FRMD5: variants seen among roughly 807,000 people sequenced by gnomAD.
FRMD5 encodes FERM domain-containing protein 5.
Under a neutral mutation model 69.0 loss-of-function variants are expected in FRMD5, and 20 were observed. That is an observed-to-expected ratio of 0.29 (90% CI 0.20 to 0.42). FRMD5 has a LOEUF of 0.42. Among genes scored for constraint, FRMD5 ranks in the 10% least tolerant of loss-of-function variants. FRMD5 has a pLI of 1.00. For synonymous variants in FRMD5, 271 were observed against 260.1 expected (o/e 1.04, Z -0.40); for missense variants, 595 against 708.6 (o/e 0.84, Z 1.82).
intron 11 of FRMD5, among the ~76,000 whole-genome samples, chr15:43,885,419 A>T (rs962207697): frequency 2.0e-5 from 3 of 152,120 alleles, no homozygotes; most frequent in African/African-American, 7.2e-5. Flanking sequence ...CAAGTGATCC[A>T]CCTGCCTCAG....
rs1555392747 is a variant in FRMD5 at position 43,999,967 on chromosome 15, T to TATATATATGCCATGC, written c.103-75659_103-75658insGCATGGCATATATAT. On this transcript the variant is annotated intron_variant, in intron 1 of 13. Coordinates refer to ENST00000417257, the MANE Select transcript of FRMD5 (RefSeq NM_032892.5). The stretch of plus-strand genomic sequence containing the variant: ...TATATGCCATGCATATATATATATA[T>TATATATATGCCATGC]ATATATATATATATATATATATGTG... Among the ~76,000 whole-genome samples, 28 of 42,032 alleles carry TATATATATGCCATGC rather than the reference T, an allele frequency of 6.7e-4. 2 individuals are homozygous for TATATATATGCCATGC. Among genetic ancestry groups the TATATATATGCCATGC allele is most frequent in the Non-Finnish European group, 1.1e-3 (21 of 18,508 alleles). The allele number at this position is 42,032 out of a possible 152,430, so 27.6% of individuals were successfully genotyped here.
intron 13 of FRMD5, among the ~76,000 whole-genome samples, chr15:43,878,904 G>A (rs764043301): frequency 6.7e-5 from 10 of 149,798 alleles, no homozygotes; most frequent in Non-Finnish European, 1.5e-4. Context: ...ATAATGGATA[G>A]ATAGGCATTT....
At chr15:43,880,813 T>C (rs1300935076) in intron 13 of FRMD5, among the ~76,000 whole-genome samples, 1 of 152,160 alleles carries the variant, frequency 6.6e-6, no homozygotes, top group Non-Finnish European at 1.5e-5. Context: ...GGGCCTATAC[T>C]CCTCAGCAGC....
intron 1 of FRMD5, among the ~76,000 whole-genome samples, chr15:44,164,329 T>C (rs1224526026): frequency 1.3e-5 from 2 of 152,328 alleles, no homozygotes; most frequent in African/African-American, 4.8e-5. Context: ...TTCCAACTTT[T>C]ATGGATTCAC....
chr15:44,162,407 A>G (rs1223420628), intron 1 of FRMD5, among the ~76,000 whole-genome samples: 1 of 151,744 alleles, frequency 6.6e-6, no homozygotes, highest in Non-Finnish European at 1.5e-5. Flanking sequence ...TGGCTTATTT[A>G]ACTCTTTGTC....
chr15:44,122,827 C>T (rs866475497), intron 1 of FRMD5, among the ~76,000 whole-genome samples: 2 of 151,410 alleles, frequency 1.3e-5, no homozygotes, highest in Non-Finnish European at 2.9e-5. Context: ...GGAGGCAGAG[C>T]TTGCAGTGAG....
intron 1 of FRMD5, among the ~76,000 whole-genome samples, chr15:43,941,641 G>C (rs1035021038): frequency 6.6e-6 from 1 of 152,186 alleles, no homozygotes; most frequent in Non-Finnish European, 1.5e-5. Flanking sequence ...AATCTTGACA[G>C]CATAAAAGCT....
chr15:44,177,863 G>T (rs774179457), intron 1 of FRMD5, among the ~76,000 whole-genome samples: 39 of 152,218 alleles, frequency 2.6e-4, no homozygotes, highest in Non-Finnish European at 5.0e-4. Flanking sequence ...GCTGGAGAAA[G>T]AGGAGAGGAC....
chr15:44,005,489 A>G (rs935080408), intron 1 of FRMD5, among the ~76,000 whole-genome samples: 120 of 151,756 alleles, frequency 7.9e-4, no homozygotes, highest in African/African-American at 2.1e-3. Flanking sequence ...AAAAAAAAAA[A>G]AAAAGAAAAA....
chr15:43,956,334 T>C (rs1595558077), intron 1 of FRMD5, among the ~76,000 whole-genome samples: 1 of 152,308 alleles, frequency 6.6e-6, no homozygotes, highest in Middle Eastern at 3.4e-3. Context: ...TCCTCAAGTA[T>C]TGAAGGTACT....
At chr15:44,039,624 A>G (rs1218864360) in intron 1 of FRMD5, among the ~76,000 whole-genome samples, 1 of 152,206 alleles carries the variant, frequency 6.6e-6, no homozygotes, top group Non-Finnish European at 1.5e-5. Flanking sequence ...AAGGAATAGT[A>G]GCAACATCAA....
chr15:44,115,582 G>A (rs1268875138), intron 1 of FRMD5, among the ~76,000 whole-genome samples: 3 of 152,150 alleles, frequency 2.0e-5, no homozygotes, highest in Non-Finnish European at 4.4e-5. Flanking sequence ...CTAAGACTGG[G>A]TTGAGATGAT....
upstream of FRMD5, among the ~76,000 whole-genome samples, chr15:44,196,478 T>A (rs546314441): frequency 6.6e-6 from 1 of 151,108 alleles, no homozygotes; most frequent in African/African-American, 2.4e-5. Context: ...AAAAAAAAAA[T>A]AATCGTGTCA....
chr15:43,877,031 C>T (rs2088381428), intron 13 of FRMD5, among the ~76,000 whole-genome samples: 1 of 152,182 alleles, frequency 6.6e-6, no homozygotes, highest in South Asian at 2.1e-4. Context: ...AGCAGCCACC[C>T]AGGCCAGAGG....
intron 1 of FRMD5, among the ~76,000 whole-genome samples, chr15:44,090,476 G>C (rs1255152738): frequency 6.9e-6 from 1 of 145,784 alleles, no homozygotes; most frequent in Admixed American, 7.0e-5. Flanking sequence ...TTTCACTCTT[G>C]TCTGGGCTGG....
At chr15:44,046,049 C>T (rs2140330893) in intron 1 of FRMD5, among the ~76,000 whole-genome samples, 1 of 152,206 alleles carries the variant, frequency 6.6e-6, no homozygotes, top group South Asian at 2.1e-4. Flanking sequence ...ATCAGCTCTG[C>T]AGTCATCTCC....
Position 44,194,992 on chromosome 15 carries a change from C to T in FRMD5, c.63G>A (p.Val21=), listed in dbSNP as rs1023828663. Residue 21 remains valine, a synonymous_variant, in exon 1 of 14, where the codon GTG becomes GTA. Coordinates refer to ENST00000417257, the MANE Select transcript of FRMD5 (RefSeq NM_032892.5). ...RSLEREYSCT[V]RLLDDSEYTC... ...TGTACTCGCTGTCGTCCAGCAGCCG[C>T]ACGGTGCAGCTGTACTCGCGCTCCA... The T allele has an allele frequency of 3.0e-5, 46 of 1,557,626 alleles. No individual in the cohort carries two copies. Among genetic ancestry groups the T allele is most frequent in the Non-Finnish European group, 3.9e-5 (45 of 1,156,448 alleles).
chr15:43,874,754 G>T (rs1257805180), intron 13 of FRMD5, among the ~76,000 whole-genome samples: 3 of 151,912 alleles, frequency 2.0e-5, no homozygotes, highest in Non-Finnish European at 4.4e-5. Context: ...ACAAAAATCA[G>T]CCGGGCCTGG....
chr15:44,148,694 T>G (rs76351064), intron 1 of FRMD5, among the ~76,000 whole-genome samples: 4,654 of 152,330 alleles, frequency 0.031, 92 homozygotes, highest in Non-Finnish European at 0.046. Context: ...TAAAATATTT[T>G]AATTACAGTA....
Sources: allele counts gnomAD v4.1 joint callset (sites outside exome capture counted in the v4.1 genomes callset), GRCh38; gene constraint gnomAD v4.1.1; transcripts MANE v1.5; gene names NCBI Gene and HGNC (gene_info 2026-07-23, HGNC 2026-07-21).